GRM1: variants seen among roughly 807,000 people sequenced by gnomAD.
GRM1 encodes metabotropic glutamate receptor 1.
Under a neutral mutation model 90.9 loss-of-function variants are expected in GRM1, and 33 were observed. The ratio of observed to expected loss-of-function variants is 0.36; its 90% CI spans 0.28 to 0.49. The LOEUF is 0.49. Ranked by LOEUF, GRM1 falls within the 20% of genes least tolerant of loss-of-function variation. The probability of loss-of-function intolerance (pLI) is 0.99; values close to 1 mark genes in which losing one functional copy is unlikely to be tolerated. For synonymous variants in GRM1, 700 were observed against 613.2 expected (o/e 1.14, Z -2.09); for missense variants, 1,190 against 1,534.3 (o/e 0.78, Z 3.75).
chr6:146,202,985 G>GGA (rs1360030973), intron 2 of GRM1, among the ~76,000 whole-genome samples: 3 of 151,964 alleles, frequency 2.0e-5, no homozygotes, highest in Admixed American at 1.3e-4. Flanking sequence ...CACGAGGTCA[G>GGA]GAGAGAGAGA....
At chr6:146,193,100 TG>T (rs1778986168) in intron 2 of GRM1, among the ~76,000 whole-genome samples, 1 of 152,056 alleles carries the variant, frequency 6.6e-6, no homozygotes, top group South Asian at 2.1e-4. Context: ...TGCCCCTAAG[TG>T]GGGTAGGTTT....
At chr6:146,132,487 C>T (rs991265712) in intron 1 of GRM1, among the ~76,000 whole-genome samples, 1 of 152,136 alleles carries the variant, frequency 6.6e-6, no homozygotes, top group Admixed American at 6.5e-5. Flanking sequence ...TTAAAGACAA[C>T]TTTTTCATGT....
At chr6:146,432,208 A>G (rs564772102) in intron 7 of GRM1, among the ~76,000 whole-genome samples, 1 of 152,358 alleles carries the variant, frequency 6.6e-6, no homozygotes, top group African/African-American at 2.4e-5. Context: ...TTAGACAATT[A>G]AAAATGCAGT....
intron 5 of GRM1, among the ~76,000 whole-genome samples, chr6:146,359,482 AAC>A (rs1775376500): frequency 6.6e-6 from 1 of 152,208 alleles, no homozygotes; most frequent in Admixed American, 6.5e-5. Context: ...ATTACTGGGA[AAC>A]AGTTTTTGGA....
intron 7 of GRM1, among the ~76,000 whole-genome samples, chr6:146,430,234 G>T (rs551368179): frequency 8.9e-4 from 135 of 152,280 alleles, no homozygotes; most frequent in African/African-American, 3.2e-3. Context: ...GCTAACTAAT[G>T]AAAGAAAAAC....
At chr6:146,400,888 T>A (rs1777134292) in intron 7 of GRM1, among the ~76,000 whole-genome samples, 1 of 152,192 alleles carries the variant, frequency 6.6e-6, no homozygotes, top group South Asian at 2.1e-4. Flanking sequence ...AGAAAAGTAC[T>A]CTGCTGTAAA....
At position 146,302,853 on chromosome 6, in the gene GRM1, A is replaced by G. The variant is rs1234100504; in HGVS notation, c.951-1758A>G. On this transcript the variant is annotated intron_variant, in intron 2 of 7. Transcript: ENST00000282753. ...GAAGTAGCAAAGAAAAGAAGAAAGA[A>G]AAAAGAAAGAAGGAAGAAGGAAAGA... 2.0e-5 allele frequency among the ~76,000 whole-genome samples: 3 copies of G among 152,214 alleles called. No individual in the cohort carries two copies. The East Asian group carries it at 5.8e-4, about 29-fold the overall frequency.
intron 3 of GRM1, among the ~76,000 whole-genome samples, chr6:146,346,195 T>A (rs1193053172): frequency 6.6e-6 from 1 of 152,232 alleles, no homozygotes; most frequent in Non-Finnish European, 1.5e-5. Context: ...TACCTTATTG[T>A]CAATTTGCAA....
At chr6:146,209,299 A>G (rs6903145) in intron 2 of GRM1, among the ~76,000 whole-genome samples, 58,181 of 151,986 alleles carry the variant, frequency 0.38, 15,498 homozygotes, top group African/African-American at 0.77. Context: ...ATAGAAAATC[A>G]TCCACCTGGG....
At chr6:146,075,597 G>C (rs1229704591) in intron 1 of GRM1, among the ~76,000 whole-genome samples, 1 of 152,060 alleles carries the variant, frequency 6.6e-6, no homozygotes, top group Non-Finnish European at 1.5e-5. Context: ...AGTTTCCTAG[G>C]GTTGCCATAA....
intron 4 of GRM1, among the ~76,000 whole-genome samples, 195 bp downstream of exon 4, chr6:146,352,691 C>A (rs1441343492): frequency 1.3e-5 from 2 of 152,116 alleles, no homozygotes; most frequent in Non-Finnish European, 1.5e-5. Flanking sequence ...TAAAATACTT[C>A]TTTTTCAACA....
chr6:146,383,932 T>C (rs563705868), intron 5 of GRM1, among the ~76,000 whole-genome samples: 5 of 152,008 alleles, frequency 3.3e-5, no homozygotes, highest in South Asian at 2.1e-4. Flanking sequence ...TGTTCAGACA[T>C]TGGAAAACAG....
intron 2 of GRM1, among the ~76,000 whole-genome samples, chr6:146,253,820 A>T (rs1781385044): frequency 6.6e-6 from 1 of 152,186 alleles, no homozygotes; most frequent in South Asian, 2.1e-4. Flanking sequence ...GCTGTCTGCT[A>T]TTGGCAGCTC....
upstream of GRM1, among the ~76,000 whole-genome samples, chr6:146,028,468 C>A (rs1214988250): frequency 1.3e-5 from 2 of 151,886 alleles, no homozygotes; most frequent in Non-Finnish European, 2.9e-5. Context: ...CCCCTCCGTT[C>A]CCTTTCTAGC....
intron 1 of GRM1, among the ~76,000 whole-genome samples, chr6:146,118,040 AT>A (rs1358827363): frequency 2.0e-5 from 3 of 150,310 alleles, no homozygotes; most frequent in Non-Finnish European, 4.4e-5. Flanking sequence ...AGTATAAAAA[AT>A]TTTTTTTCAA....
intron 1 of GRM1, among the ~76,000 whole-genome samples, chr6:146,108,546 T>C (rs1422789607): frequency 6.6e-6 from 1 of 152,220 alleles, no homozygotes. Flanking sequence ...AATAAACCTC[T>C]TTCTTTCATA....
intron 2 of GRM1, 193 bp downstream of exon 2, chr6:146,159,790 C>G: frequency 1.7e-6 from 1 of 585,128 alleles, no homozygotes; most frequent in East Asian, 3.0e-5. Context: ...TGGCATCTTC[C>G]TGCTAAACAA....
intron 5 of GRM1, among the ~76,000 whole-genome samples, chr6:146,377,432 G>T (rs2115111746): frequency 6.6e-6 from 1 of 152,252 alleles, no homozygotes; most frequent in African/African-American, 2.4e-5. Flanking sequence ...GGTCACTTTT[G>T]CTATACAAAG....
At chr6:146,271,025 G>C (rs1214826261) in intron 2 of GRM1, among the ~76,000 whole-genome samples, 2 of 134,198 alleles carry the variant, frequency 1.5e-5, no homozygotes, top group South Asian at 4.8e-4. Context: ...TTTCTTTCAA[G>C]ATGAAGTCTC....
Sources: allele counts gnomAD v4.1 joint callset (sites outside exome capture counted in the v4.1 genomes callset), GRCh38; gene constraint gnomAD v4.1.1; transcripts MANE v1.5; gene names NCBI Gene and HGNC (gene_info 2026-07-23, HGNC 2026-07-21).